Variants in NWD2 observed in about 807,000 individuals in gnomAD.
NWD2 encodes NACHT and WD repeat domain containing 2, also known as NACHT and WD repeat domain-containing protein 2.
In NWD2, 37 loss-of-function variants were observed where a neutral mutation model predicts 132.7. The ratio of observed to expected loss-of-function variants is 0.28; its 90% CI spans 0.21 to 0.37. The LOEUF is 0.37. Ranked by LOEUF, NWD2 falls within the 10% of genes least tolerant of loss-of-function variation. The pLI is 1.00. For missense variants in NWD2, 1,592 were observed against 2,122.4 expected, an observed-to-expected ratio of 0.75 and a Z score of 4.91; for synonymous variants, 705 against 803.0, an observed-to-expected ratio of 0.88 and a Z score of 2.06.
intron 2 of NWD2, among the ~76,000 whole-genome samples, chr4:37,336,913 C>T (rs575023278): frequency 3.4e-5 from 5 of 144,942 alleles, no homozygotes; most frequent in African/African-American, 1.3e-4. Flanking sequence ...CCACTGCGCT[C>T]CAGCCTGGGC....
At chr4:37,345,992 G>T (rs1719628883) in intron 2 of NWD2, among the ~76,000 whole-genome samples, 1 of 150,394 alleles carries the variant, frequency 6.6e-6, no homozygotes, top group Non-Finnish European at 1.5e-5. Context: ...GAGGCAGGGA[G>T]AATCGCTTGA....
At chr4:37,292,774 T>G (rs1025079174) in intron 1 of NWD2, among the ~76,000 whole-genome samples, 1 of 152,164 alleles carries the variant, frequency 6.6e-6, no homozygotes, top group African/African-American at 2.4e-5. Flanking sequence ...TCATCAGGCA[T>G]TAGGTTCTCT....
intron 1 of NWD2, among the ~76,000 whole-genome samples, chr4:37,302,561 A>G (rs1264471079): frequency 6.6e-6 from 1 of 152,076 alleles, no homozygotes; most frequent in Non-Finnish European, 1.5e-5. Flanking sequence ...TGATTACACT[A>G]ATTTACATTC....
chr4:37,329,681 A>G lies in NWD2; in HGVS notation c.240+3657A>G, dbSNP rs76472367. On this transcript the variant is annotated intron_variant, in intron 2 of 6. Coordinates refer to ENST00000309447, the MANE Select transcript of NWD2 (RefSeq NM_001144990.2). Reference sequence around the variant, plus strand: ...AAGGAAATAATTACAGATGGCATCAAAGTAAGATTATATGAGACCTCATGG... The same window carrying G: ...AAGGAAATAATTACAGATGGCATCAGAGTAAGATTATATGAGACCTCATGG... 4.2e-3 allele frequency among the ~76,000 whole-genome samples: 643 copies of G among 152,324 alleles called. 3 individuals are homozygous for G. Among genetic ancestry groups the G allele is most frequent in the African/African-American group, 0.015 (610 of 41,576 alleles).
At chr4:37,301,021 G>C (rs1365081449) in intron 1 of NWD2, among the ~76,000 whole-genome samples, 1 of 152,076 alleles carries the variant, frequency 6.6e-6, no homozygotes, top group East Asian at 1.9e-4. Flanking sequence ...ACCTTCTAAA[G>C]GAAGAGTGCA....
intron 2 of NWD2, among the ~76,000 whole-genome samples, chr4:37,334,820 T>C (rs1719366474): frequency 6.6e-6 from 1 of 152,138 alleles, no homozygotes; most frequent in South Asian, 2.1e-4. Flanking sequence ...ACATTGGTCT[T>C]AGTCACAAAG....
chr4:37,275,811 T>C (rs1364015880), intron 1 of NWD2, among the ~76,000 whole-genome samples: 8 of 152,142 alleles, frequency 5.3e-5, no homozygotes, highest in Non-Finnish European at 7.4e-5. Context: ...TACAACTATC[T>C]GATCTTTGAC....
intron 3 of NWD2, among the ~76,000 whole-genome samples, chr4:37,428,979 G>A (rs1220380214): frequency 6.6e-6 from 1 of 152,076 alleles, no homozygotes; most frequent in African/African-American, 2.4e-5. Flanking sequence ...TGATCTGCTC[G>A]CCTTGGCCTC....
chr4:37,269,966 A>G (rs1717834142), intron 1 of NWD2, among the ~76,000 whole-genome samples: 1 of 151,788 alleles, frequency 6.6e-6, no homozygotes, highest in South Asian at 2.1e-4. Context: ...CATCAGCAAT[A>G]TATGTGAGAT....
At chr4:37,314,259 GTTT>G (rs1056581449) in intron 1 of NWD2, among the ~76,000 whole-genome samples, 1 of 151,952 alleles carries the variant, frequency 6.6e-6, no homozygotes, top group Non-Finnish European at 1.5e-5. Flanking sequence ...TTTGTTTTGT[GTTT>G]TTTTCTTTTG....
rs1289672707 is a variant in NWD2, at chr4:37,444,787, A to G, written c.2799A>G (p.Leu933=). The stretch of plus-strand genomic sequence containing the variant: ...TGCCCAAACTTAGACATCTTCTTTT[A>G]GAGTGTGATAAAGATGGGCCCAAAT... ...SSLPKLRHLL[L]ECDKDGPKYC... Residue 933 remains leucine, a synonymous_variant, in exon 7 of 7, where the codon TTA becomes TTG. Coordinates refer to ENST00000309447, the MANE Select transcript of NWD2 (RefSeq NM_001144990.2). The surrounding 1 kb of genome is among the most constrained non-coding windows in gnomAD (Gnocchi z 4.8). 2 of 1,551,834 alleles carry G rather than the reference A, an allele frequency of 1.3e-6. No individual in the cohort carries two copies. Among genetic ancestry groups the G allele is most frequent in the African/African-American group, 1.4e-5 (1 of 73,018 alleles).
At chr4:37,396,900 G>A (rs1446726244) in intron 3 of NWD2, among the ~76,000 whole-genome samples, 1 of 152,172 alleles carries the variant, frequency 6.6e-6, no homozygotes, top group Non-Finnish European at 1.5e-5. Flanking sequence ...GGGTGTGGTG[G>A]TGGATGCCTG....
intron 3 of NWD2, among the ~76,000 whole-genome samples, chr4:37,407,084 G>A (rs1721057831): frequency 1.3e-5 from 2 of 152,082 alleles, no homozygotes; most frequent in African/African-American, 4.8e-5. Flanking sequence ...GGGGGGCTAG[G>A]GGAAGGAGGG....
At chr4:37,295,855 C>T (rs1718479277) in intron 1 of NWD2, among the ~76,000 whole-genome samples, 1 of 152,188 alleles carries the variant, frequency 6.6e-6, no homozygotes, top group African/African-American at 2.4e-5. Context: ...AGTATATTTC[C>T]TTAATGTTTT....
chr4:37,268,536 A>C (rs1185122805), intron 1 of NWD2, among the ~76,000 whole-genome samples: 1 of 151,924 alleles, frequency 6.6e-6, no homozygotes, highest in Non-Finnish European at 1.5e-5. Flanking sequence ...CTTGCCAGGA[A>C]GCATCTAGTT....
At chr4:37,411,807 C>G (rs572584297) in intron 3 of NWD2, among the ~76,000 whole-genome samples, 1 of 152,272 alleles carries the variant, frequency 6.6e-6, no homozygotes, top group South Asian at 2.1e-4. Flanking sequence ...AGCTTTATAC[C>G]TGGGATGCAA....
chr4:37,323,667 A>G (rs1577668000), intron 1 of NWD2, among the ~76,000 whole-genome samples: 1 of 152,320 alleles, frequency 6.6e-6, no homozygotes, highest in East Asian at 1.9e-4. Context: ...CTACCATTCG[A>G]CCCAGCAATC....
intron 1 of NWD2, among the ~76,000 whole-genome samples, chr4:37,286,827 A>G (rs567344005): frequency 1.1e-4 from 17 of 152,238 alleles, no homozygotes; most frequent in African/African-American, 3.9e-4. Context: ...ATTCTCACAA[A>G]TCTTAACTTA....
intron 1 of NWD2, among the ~76,000 whole-genome samples, chr4:37,292,890 G>T (rs1215774928): frequency 2.6e-5 from 4 of 152,154 alleles, no homozygotes; most frequent in Admixed American, 6.5e-5. Flanking sequence ...TAGAGCTCAG[G>T]CTGTAATGCC....
Sources: allele counts gnomAD v4.1 joint callset (sites outside exome capture counted in the v4.1 genomes callset), GRCh38; gene constraint gnomAD v4.1.1; non-coding constraint Gnocchi (gnomAD v3.1); transcripts MANE v1.5; gene names NCBI Gene and HGNC (gene_info 2026-07-23, HGNC 2026-07-21).